Variants in TTN observed in about 807,000 individuals in gnomAD.
TTN encodes the protein titin, also known as connectin.
A neutral mutation model predicts 3,223.0 loss-of-function variants in TTN; 1,525 were observed. The ratio of observed to expected loss-of-function variants is 0.47; its 90% CI spans 0.45 to 0.49. TTN has a LOEUF of 0.49. Among genes scored for constraint, TTN ranks in the 20% least tolerant of loss-of-function variants. The pLI, the probability that TTN is intolerant of heterozygous loss-of-function variation, is 0.00. For missense variants in TTN, 40,786 were observed against 43,424.0 expected, an observed-to-expected ratio of 0.94 and a Z score of 5.40; for synonymous variants, 14,094 against 15,161.0, an observed-to-expected ratio of 0.93 and a Z score of 5.17.
At chr2:178,596,178 A>G (rs2051561213) in intron 294 of TTN, among the ~76,000 whole-genome samples, 1 of 151,730 alleles carries the variant, frequency 6.6e-6, no homozygotes, top group African/African-American at 2.4e-5. Context: ...TTTAGTAGAG[A>G]CAGGGTTTCA....
chr2:178,790,732 A>C lies in TTN; in HGVS notation c.1776T>G (p.Asp592Glu). 1.2e-6 allele frequency: 2 copies of C among 1,614,076 alleles called. No individual in the cohort carries two copies. The highest frequency in any genetic ancestry group is 1.7e-6 in the Non-Finnish European group (2 of 1,179,986). Residue 592 changes from aspartate (D) to glutamate (E), a missense_variant, in exon 11 of 363, where the codon GAT becomes GAG. Transcript: ENST00000589042. ...CCTTTTCATAACTTAGGTGCATTTG[A>C]TCTTGTTGTGTGGTAGTTTCTTCTT... The part of the protein sequence containing the change: ...GAQEETTTQQ[D>E]QMHLSYEKIM...
In TTN at chr2:178,559,386, A is replaced by G; in HGVS notation, c.86746T>C (p.Tyr28916His). 1 of 1,613,742 alleles carries G rather than the reference A, an allele frequency of 6.2e-7. No individual in the cohort carries two copies. The highest frequency in any genetic ancestry group is 8.5e-7 in the Non-Finnish European group (1 of 1,179,674). The change falls in exon 326 of 363, where the codon TAC (tyrosine) becomes CAC (histidine). Residue 28916 changes from tyrosine to histidine, a missense_variant. Transcript: ENST00000589042. ...VTNLQEGAIY[Y>H]FRVSGENEFG... ...TCATTTTCTCCAGAGACTCTGAAGT[A>G]ATAGATAGCTCCTTCTTGTAAATTG... is the stretch of plus-strand genomic sequence containing the variant.
Position 178,566,997 on chromosome 2 carries a change from G to C in TTN, c.79135C>G (p.Leu26379Val), listed in dbSNP as rs1706131161. 6.2e-7 allele frequency: 1 copy of C among 1,613,448 alleles called. No homozygotes were observed. The highest frequency in any genetic ancestry group is 8.5e-7 in the Non-Finnish European group (1 of 1,179,666). Reference protein sequence around the residue: ...VGEPLESAPVLMKNPFVLPGP... With the variant: ...VGEPLESAPVVMKNPFVLPGP... ...GGAAGCACAAATGGATTTTTCATTA[G>C]TACTGGTGCAGATTCCAAAGGCTCT... Residue 26379 changes from leucine (L) to valine (V), a missense_variant, in exon 326 of 363, where the codon CTA becomes GTA. By Grantham distance (32) the Leu-to-Val change is conservative (BLOSUM62 1). Transcript: ENST00000589042.
chr2:178,696,388 T>C, intron 113 of TTN, 119 bp from the exon 114 acceptor site: 1 of 500,608 alleles, frequency 2.0e-6, no homozygotes, highest in South Asian at 5.4e-5. Context: ...TGATAATTTG[T>C]TTTTTTTTTT....
intron 47 of TTN, chr2:178,749,156 T>C: frequency 6.2e-7 from 1 of 1,612,566 alleles, no homozygotes; most frequent in Non-Finnish European, 8.5e-7. Flanking sequence ...ATAGTCACTT[T>C]GGGCACATTC....
Position 178,756,299 on chromosome 2 carries a change from T to A in TTN, c.11177A>T (p.Asp3726Val), listed in dbSNP as rs548947930. Residue 3726 changes from aspartate (D) to valine (V), a missense_variant, in exon 46 of 363, where the codon GAC (aspartate) becomes GTC (valine). Transcript: ENST00000589042. ...TACAATGCAGCTGTATAGTCCTTGGTCTACCAGCTGAACATTACATATGGT... is the reference window on the plus strand; with the variant it reads ...TACAATGCAGCTGTATAGTCCTTGGACTACCAGCTGAACATTACATATGGT... Reference protein sequence around the residue: ...FLTICNVQLVDQGLYSCIVHN... With the variant: ...FLTICNVQLVVQGLYSCIVHN... The A allele has an allele frequency of 6.2e-7, 1 of 1,613,842 alleles. No homozygotes were observed. Among genetic ancestry groups the A allele is most frequent in the African/African-American group, 1.3e-5 (1 of 75,064 alleles).
rs774327480 is a variant in TTN, at chr2:178,574,985, C to T, written c.71147G>A (p.Gly23716Asp). ...ATGGACTTGAATGGTGATGACATCA[C>T]CAACCTCTCCTACAATGTTCCTTGC... Reference protein sequence around the residue: ...LTARNIVGEVGDVITIQVHDI... With the variant: ...LTARNIVGEVDDVITIQVHDI... Residue 23716 changes from glycine (G) to aspartate (D), a missense_variant, in exon 326 of 363, where the codon GGT becomes GAT. Transcript: ENST00000589042. The T allele has an allele frequency of 5.6e-6, 9 of 1,613,184 alleles. No individual in the cohort carries two copies. The highest frequency in any genetic ancestry group is 1.6e-4 in the Middle Eastern group (1 of 6,076).
Position 178,536,570 on chromosome 2 carries a change from G to T in TTN, c.100177C>A (p.Pro33393Thr). Reference protein sequence around the residue: ...VVIIKSPFEKPGAPGKPTITA... With the variant: ...VVIIKSPFEKTGAPGKPTITA... The stretch of plus-strand genomic sequence containing the variant: ...ATAGTTGGTTTGCCAGGAGCACCTG[G>T]CTTTTCTATTAAACAAAAAAAAGAT... Residue 33393 changes from proline to threonine, a missense_variant, in exon 357 of 363, where the codon CCA becomes ACA. Transcript: ENST00000589042. 1 of 1,489,846 alleles carries T rather than the reference G, an allele frequency of 6.7e-7. No homozygotes were observed. The highest frequency in any genetic ancestry group is 8.9e-7 in the Non-Finnish European group (1 of 1,126,096). The allele number at this position is 1,489,846 out of a possible 1,614,324, so 92.3% of individuals were successfully genotyped here. A position where few individuals can be genotyped will look rare whatever the true frequency, so the allele number is the denominator to read the frequency against.
In TTN at chr2:178,776,213, C is replaced by G. The variant is rs749151809; in HGVS notation, c.5651G>C (p.Ser1884Thr). The G allele has an allele frequency of 1.9e-6, 3 of 1,614,020 alleles. No homozygotes were observed. Among genetic ancestry groups the G allele is most frequent in the African/African-American group, 2.7e-5 (2 of 74,910 alleles). The part of the protein sequence containing the change: ...WYLNGQLIRK[S>T]KRFRVRYDGI... The stretch of plus-strand genomic sequence containing the variant: ...ATCATAGCGAACTCTGAACCTTTTG[C>G]TTTTGCGGATGAGCTGTCCATTGAG... The change falls in exon 28 of 363, where the codon AGC (serine) becomes ACC (threonine). Residue 1884 changes from serine to threonine, a missense_variant. Ser to Thr is a moderately conservative substitution (Grantham distance 58). Transcript: ENST00000589042.
chr2:178,599,469 C>T (rs772422270), intron 289 of TTN, 24 bp from the exon 290 acceptor site: 7 of 1,515,196 alleles, frequency 4.6e-6, no homozygotes, highest in Non-Finnish European at 6.2e-6. Context: ...AAGAAGGAAC[C>T]CTTTATCACT....
In TTN at chr2:178,602,578, G is replaced by A; in HGVS notation, c.54824C>T (p.Pro18275Leu). The change falls in exon 283 of 363, where the codon CCA becomes CTA. Residue 18275 changes from proline to leucine, a missense_variant. Transcript: ENST00000589042. ...ATCTTTAACTTCTGGGCAAGAAGGT[G>A]GCCCCGGTGGAACTAATAACAAAAG... ...VAGDPIFPPG[P>L]PSCPEVKDKT... The A allele has an allele frequency of 6.6e-7, 1 of 1,517,608 alleles. No homozygotes were observed. Among genetic ancestry groups the A allele is most frequent in the South Asian group, 1.3e-5 (1 of 76,820 alleles). The allele number at this position is 1,517,608 out of a possible 1,614,324, so 94.0% of individuals were successfully genotyped here. A position where few individuals can be genotyped will look rare whatever the true frequency, so the allele number is the denominator to read the frequency against.
rs755617634 is a variant in TTN at position 178,563,221 on chromosome 2, T to A, written c.82911A>T (p.Lys27637Asn). 4 of 1,613,624 alleles carry A rather than the reference T, an allele frequency of 2.5e-6. No homozygotes were observed. In the East Asian group the frequency reaches 8.9e-5, roughly 36 times the overall value. Residue 27637 changes from lysine to asparagine, a missense_variant, in exon 326 of 363, where the codon AAA becomes AAT. By Grantham distance (94) the Lys-to-Asn change is moderately conservative (BLOSUM62 0). Coordinates refer to ENST00000589042, the MANE Select transcript of TTN (RefSeq NM_001267550.2). This position sits in a 1 kb window ranked among gnomAD's most constrained non-coding sequence, Gnocchi z 4.5. ...TACGGAAGTTATATTCAGTGTTTTC[T>A]TTAAGCTTGGTCACTGTGAACTGCT... ...QGKQFTVTKL[K>N]ENTEYNFRIC...
At chr2:178,792,974 T>G (rs1417505582) in intron 9 of TTN, among the ~76,000 whole-genome samples, 6 of 152,214 alleles carry the variant, frequency 3.9e-5, no homozygotes, top group Admixed American at 3.9e-4. Flanking sequence ...CACTTCAAAC[T>G]CATGTGCAAA....
Position 178,802,300 on chromosome 2 carries a change from C to T in TTN, c.133G>A (p.Val45Met). Residue 45 changes from valine (V) to methionine (M), a missense_variant, in exon 3 of 363, where the codon GTG (valine) becomes ATG (methionine). Physicochemically the swap from Val to Met is conservative, Grantham distance 21. Transcript: ENST00000589042. ...PEVSWFRDGQ[V>M]ISTSTLPGVQ... is the part of the protein sequence containing the mutation. ...CCGGGCAGAGTGGAAGTGGAAATCA[C>T]CTGGCCATCCCTAAACCAGCTCACC... 6.2e-7 allele frequency: 1 copy of T among 1,614,122 alleles called. No homozygotes were observed. The highest frequency in any genetic ancestry group is 8.5e-7 in the Non-Finnish European group (1 of 1,180,020).
rs2060457466 is a variant in TTN, at chr2:178,636,477, A to G, written c.41250T>C (p.Leu13750=). 1 of 1,613,252 alleles carries G rather than the reference A, an allele frequency of 6.2e-7. No homozygotes were observed. Among genetic ancestry groups the G allele is most frequent in the Non-Finnish European group, 8.5e-7 (1 of 1,179,568 alleles). The change falls in exon 225 of 363, where the codon CTT becomes CTC. Residue 13750 remains leucine, a synonymous_variant. Coordinates refer to ENST00000589042, the MANE Select transcript of TTN (RefSeq NM_001267550.2). The surrounding 1 kb of genome is among the most constrained non-coding windows in gnomAD (Gnocchi z 4.3). ...DRKLHIIDVQ[L]SDAGEYTCVL... is the part of the protein sequence containing the mutation. ...CACAGGTGTATTCACCAGCATCGGAAAGTTGAACATCAATGATGTGCAGCT... is the reference window on the plus strand; with the variant it reads ...CACAGGTGTATTCACCAGCATCGGAGAGTTGAACATCAATGATGTGCAGCT...
chr2:178,598,456 C>T, intron 292 of TTN, 50 bp downstream of exon 292: 1 of 1,570,666 alleles, frequency 6.4e-7, no homozygotes, highest in Non-Finnish European at 8.6e-7. Context: ...ATAACTATGA[C>T]ATTTTTTAGT....
chr2:178,774,102 T>A lies in TTN; in HGVS notation c.7066A>T (p.Ile2356Phe). ...TCKLKMKPRP[I>F]AILQGLSDQK... ...TCACTAAGTCCTTGTAGGATAGCAA[T>A]GGGGCGGGCTGTGAAATATGGGGAG... is the stretch of plus-strand genomic sequence containing the variant. The change falls in exon 31 of 363, where the codon ATT (isoleucine) becomes TTT (phenylalanine). Residue 2356 changes from isoleucine to phenylalanine, a missense_variant. Physicochemically the swap from Ile to Phe is conservative, Grantham distance 21. Transcript: ENST00000589042. 1 of 1,614,094 alleles carries A rather than the reference T, an allele frequency of 6.2e-7. No individual in the cohort carries two copies. The highest frequency in any genetic ancestry group is 8.5e-7 in the Non-Finnish European group (1 of 1,179,984).
rs72646873 is a variant in TTN, at chr2:178,580,188, A to G, written c.67099T>C (p.Ser22367Pro). 5,319 of 1,613,164 alleles carry G rather than the reference A, an allele frequency of 3.3e-3. 14 individuals carry two copies. Among genetic ancestry groups the G allele is most frequent in the Non-Finnish European group, 4.0e-3 (4,674 of 1,179,472 alleles). ...PPVNVTVKEI[S>P]KDSAYVTWEP... ...CAGGTAACATAAGCAGAGTCTTTGG[A>G]TATTTCCTTAACAGTCACATTGACA... Residue 22367 changes from serine (S) to proline (P), a missense_variant, in exon 318 of 363, where the codon TCC becomes CCC. Coordinates refer to ENST00000589042, the MANE Select transcript of TTN (RefSeq NM_001267550.2).
rs1273849394 is a variant in TTN at position 178,556,899 on chromosome 2, T to C, written c.88255A>G (p.Ile29419Val). ...CCTACAACCTCAGATGGATTGCTAA[T>C]GGAACCAACAGCATTCCTAGCAAAG... ...RVFARNAVGSISNPSEVVGPI... is the reference protein window; with the variant it reads ...RVFARNAVGSVSNPSEVVGPI... The change falls in exon 330 of 363, where the codon ATT becomes GTT. Residue 29419 changes from isoleucine to valine, a missense_variant. Coordinates refer to ENST00000589042, the MANE Select transcript of TTN (RefSeq NM_001267550.2). 6.2e-7 allele frequency: 1 copy of C among 1,613,848 alleles called. No homozygotes were observed. Among genetic ancestry groups the C allele is most frequent in the Non-Finnish European group, 8.5e-7 (1 of 1,179,832 alleles).
Sources: gnomAD v4.1 joint callset for allele counts (sites outside exome capture counted in the v4.1 genomes callset) on GRCh38, gnomAD v4.1.1 for gene constraint, Gnocchi (gnomAD v3.1) non-coding constraint, MANE v1.5 for transcripts, NCBI Gene and HGNC (gene_info 2026-07-23, HGNC 2026-07-21) for gene names.